The following PRR16 variants were observed in gnomAD, a reference collection of about 807,000 sequenced individuals.
PRR16 encodes proline rich 16.
In PRR16, 6 loss-of-function variants were observed where a neutral mutation model predicts 18.2. The observed-to-expected ratio is 0.33, with a 90% CI of 0.18 to 0.65. The LOEUF (loss-of-function observed/expected upper bound fraction) is 0.65, where lower values mean the gene tolerates loss of function less well. Among genes scored for constraint, PRR16 ranks in the 30% least tolerant of loss-of-function variants. The probability of loss-of-function intolerance (pLI) is 0.74; values close to 1 mark genes in which losing one functional copy is unlikely to be tolerated. For synonymous variants in PRR16, 151 were observed against 147.8 expected (o/e 1.02, Z -0.16); for missense variants, 412 against 376.6 (o/e 1.09, Z -0.78).
At chr5:120,524,062 A>G (rs554390512) in intron 1 of PRR16, among the ~76,000 whole-genome samples, 91 of 152,286 alleles carry the variant, frequency 6.0e-4, no homozygotes, top group African/African-American at 2.1e-3. Flanking sequence ...ATTCATTGTT[A>G]GAGTAATAGT....
intron 1 of PRR16, among the ~76,000 whole-genome samples, chr5:120,563,250 A>G (rs1329393654): frequency 6.6e-6 from 1 of 152,148 alleles, no homozygotes; most frequent in Non-Finnish European, 1.5e-5. Flanking sequence ...ATCTGCTACT[A>G]CTTATGTTCA....
chr5:120,632,355 G>A (rs1755086204), intron 1 of PRR16, among the ~76,000 whole-genome samples: 2 of 151,992 alleles, frequency 1.3e-5, no homozygotes, highest in African/African-American at 4.8e-5. Context: ...CAGCTCACCA[G>A]CAATATATCC....
chr5:120,783,603 T>C, the PRR16 span, among the ~76,000 whole-genome samples: 1 of 152,158 alleles, frequency 6.6e-6, no homozygotes, highest in African/African-American at 2.4e-5. Flanking sequence ...TACATAATAG[T>C]TGTATGTATT....
chr5:120,502,579 T>C (rs1327691591), intron 1 of PRR16, among the ~76,000 whole-genome samples: 1 of 152,148 alleles, frequency 6.6e-6, no homozygotes, highest in Non-Finnish European at 1.5e-5. Context: ...AGAGGCTCTG[T>C]GTGCTTAAAA....
chr5:120,709,605 G>C, the PRR16 span, among the ~76,000 whole-genome samples: 1 of 151,368 alleles, frequency 6.6e-6, no homozygotes. Flanking sequence ...CTATATTTTT[G>C]TACCTGTTAA....
Position 120,522,516 on chromosome 5 carries a change from G to T in PRR16, c.159+57871G>T, listed in dbSNP as rs567280374. 5.9e-5 allele frequency among the ~76,000 whole-genome samples: 9 copies of T among 152,284 alleles called. No homozygotes were observed. In the South Asian group the frequency reaches 1.9e-3, roughly 32 times the overall value. On this transcript the variant is annotated intron_variant, in intron 1 of 1. Transcript: ENST00000407149. ...TATCCTTCGCCCACTTTTTGATGAG[G>T]TTGTTTGACTTTTTTCTTGTAAATT...
chr5:120,684,805 G>A (rs1190699813), intron 1 of PRR16, among the ~76,000 whole-genome samples: 1 of 152,164 alleles, frequency 6.6e-6, no homozygotes, highest in African/African-American at 2.4e-5. Flanking sequence ...AGTCTCCTTA[G>A]AACTGCATTG....
the PRR16 span, among the ~76,000 whole-genome samples, chr5:120,761,066 A>G: frequency 1.3e-5 from 2 of 151,924 alleles, no homozygotes; most frequent in African/African-American, 2.4e-5. Flanking sequence ...AAGTGTTAAC[A>G]TTTCTAATTG....
chr5:120,498,437 A>C (rs1750333141), intron 1 of PRR16, among the ~76,000 whole-genome samples: 1 of 150,990 alleles, frequency 6.6e-6, no homozygotes, highest in Non-Finnish European at 1.5e-5. Context: ...GAAACCTTAA[A>C]ACTCCTTTTA....
intron 1 of PRR16, among the ~76,000 whole-genome samples, chr5:120,645,781 C>T (rs1580825499): frequency 6.6e-6 from 1 of 151,924 alleles, no homozygotes; most frequent in East Asian, 1.9e-4. Flanking sequence ...TCTGCTCACT[C>T]TAGTGATCAA....
intron 1 of PRR16, among the ~76,000 whole-genome samples, chr5:120,612,990 T>G (rs1459274855): frequency 6.6e-6 from 1 of 152,206 alleles, no homozygotes; most frequent in African/African-American, 2.4e-5. Context: ...AGTCACTCTG[T>G]GCTATTTTCT....
intron 1 of PRR16, among the ~76,000 whole-genome samples, chr5:120,642,978 A>C (rs536840633): frequency 6.6e-6 from 1 of 152,216 alleles, no homozygotes; most frequent in South Asian, 2.1e-4. Flanking sequence ...GCCCATAGTT[A>C]GTCATTAATC....
chr5:120,678,661 G>T (rs1487383169), intron 1 of PRR16, among the ~76,000 whole-genome samples: 2 of 152,106 alleles, frequency 1.3e-5, no homozygotes, highest in African/African-American at 4.8e-5. Context: ...TGCTGAATTT[G>T]TTTACCAATT....
At chr5:120,678,619 G>C (rs1485475418) in intron 1 of PRR16, among the ~76,000 whole-genome samples, 4 of 152,138 alleles carry the variant, frequency 2.6e-5, no homozygotes, top group Non-Finnish European at 5.9e-5. Context: ...TTAGGAAAAG[G>C]ATCTACTAGT....
chr5:120,675,169 C>G (rs183657550), intron 1 of PRR16, among the ~76,000 whole-genome samples: 1 of 152,128 alleles, frequency 6.6e-6, no homozygotes, highest in African/African-American at 2.4e-5. Flanking sequence ...TTAGAATCTT[C>G]CCACATATGG....
chr5:120,588,707 C>A (rs1403581173), intron 1 of PRR16, among the ~76,000 whole-genome samples: 1 of 152,030 alleles, frequency 6.6e-6, no homozygotes, highest in Non-Finnish European at 1.5e-5. Flanking sequence ...CCAAGGTATG[C>A]CTATATTTGT....
At chr5:120,476,690 T>G (rs1580617884) in intron 1 of PRR16, among the ~76,000 whole-genome samples, 1 of 152,260 alleles carries the variant, frequency 6.6e-6, no homozygotes, top group East Asian at 1.9e-4. Context: ...ACCATCATTG[T>G]TTTCTCTCTC....
chr5:120,518,850 T>C lies in PRR16; in HGVS notation c.159+54205T>C, dbSNP rs150354233. Among the ~76,000 whole-genome samples, 225 of 152,232 alleles carry C rather than the reference T, an allele frequency of 1.5e-3. 2 individuals are homozygous for C. The highest frequency in any genetic ancestry group is 5.1e-3 in the African/African-American group (213 of 41,548). On this transcript the variant is annotated intron_variant, in intron 1 of 1. Transcript: ENST00000407149. The stretch of plus-strand genomic sequence containing the variant: ...CCCTTCTTGCTGGCTAGATTATGAA[T>C]GTCATGGCTGGAACTAGAGGAGTCA...
chr5:120,616,641 A>G (rs535603839), intron 1 of PRR16, among the ~76,000 whole-genome samples: 2 of 152,294 alleles, frequency 1.3e-5, no homozygotes, highest in African/African-American at 4.8e-5. Context: ...TTTCTGTGAT[A>G]TGCTTGACTG....
Sources: allele counts gnomAD v4.1 joint callset (sites outside exome capture counted in the v4.1 genomes callset), GRCh38; gene constraint gnomAD v4.1.1; transcripts MANE v1.5; gene names NCBI Gene and HGNC (gene_info 2026-07-23, HGNC 2026-07-21).